SNAP23: variants seen among roughly 807,000 people sequenced by gnomAD.
SNAP23 encodes synaptosomal-associated protein 23.
In SNAP23, 11 loss-of-function variants were observed where a neutral mutation model predicts 29.0. The ratio of observed to expected loss-of-function variants is 0.38; its 90% CI spans 0.24 to 0.63. The LOEUF is 0.63. Ranked by LOEUF, SNAP23 falls within the 20% of genes least tolerant of loss-of-function variation. The probability of loss-of-function intolerance (pLI) is 0.58; values close to 1 mark genes in which losing one functional copy is unlikely to be tolerated. For missense variants in SNAP23, 220 were observed against 253.9 expected, an observed-to-expected ratio of 0.87 and a Z score of 0.91; for synonymous variants, 60 against 82.9, an observed-to-expected ratio of 0.72 and a Z score of 1.50.
chr15:42,492,193 G>C (rs1261292098), upstream of SNAP23, among the ~76,000 whole-genome samples: 17 of 146,730 alleles, frequency 1.2e-4, no homozygotes, highest in East Asian at 6.4e-4. Flanking sequence ...TTACAGGTGT[G>C]AGCCACCGCG....
At chr15:42,520,045 C>CT (rs201577060) in intron 5 of SNAP23, among the ~76,000 whole-genome samples, 6,353 of 92,642 alleles carry the variant, frequency 0.069, 496 homozygotes, top group African/African-American at 0.15. Context: ...AACCCCCTTG[C>CT]TTTTTTTTTT....
chr15:42,494,460 T>C (rs538252309), upstream of SNAP23, among the ~76,000 whole-genome samples: 37 of 150,352 alleles, frequency 2.5e-4, no homozygotes, highest in African/African-American at 7.8e-4. Flanking sequence ...ATGATAGTAA[T>C]GTAGCTGGGA....
At chr15:42,498,081 C>T (rs2057238664) in intron 1 of SNAP23, among the ~76,000 whole-genome samples, 3 of 152,202 alleles carry the variant, frequency 2.0e-5, no homozygotes, top group African/African-American at 7.2e-5. Context: ...AGAGGCTGCT[C>T]TGCTGGGCTG....
chr15:42,501,641 G>C (rs952768613), intron 1 of SNAP23, among the ~76,000 whole-genome samples: 1 of 152,100 alleles, frequency 6.6e-6, no homozygotes, highest in Non-Finnish European at 1.5e-5. Flanking sequence ...CAAACTCCTG[G>C]CTTTAAGCAA....
Position 42,528,997 on chromosome 15 carries a change from GA to G in SNAP23, c.425+584del, listed in dbSNP as rs550707807. The stretch of plus-strand genomic sequence containing the variant: ...TAGACATATTTTACTTTTATATATA[GA>G]AAAAAATAGGTTTTAAAATGTGTCA... On this transcript the variant is annotated intron_variant, in intron 6 of 7. Transcript: ENST00000249647. Among the ~76,000 whole-genome samples, 328 of 152,196 alleles carry G rather than the reference GA, an allele frequency of 2.2e-3. 2 individuals carry two copies. The highest frequency in any genetic ancestry group is 4.1e-3 in the Non-Finnish European group (281 of 67,998).
chr15:42,513,096 C>T (rs567158631), intron 3 of SNAP23, 100 bp downstream of exon 3: 1 of 911,940 alleles, frequency 1.1e-6, no homozygotes, highest in South Asian at 1.4e-5. Context: ...TATCAATATG[C>T]TTTATTATTT....
chr15:42,527,364 A>C (rs1418106713), intron 5 of SNAP23, among the ~76,000 whole-genome samples: 1 of 152,000 alleles, frequency 6.6e-6, no homozygotes, highest in African/African-American at 2.4e-5. Flanking sequence ...ACGCTGGTTC[A>C]AATTCAGTCT....
At chr15:42,517,183 G>A (rs945806280) in intron 5 of SNAP23, among the ~76,000 whole-genome samples, 1 of 152,212 alleles carries the variant, frequency 6.6e-6, no homozygotes, top group Non-Finnish European at 1.5e-5. Context: ...GCCTCCCAAA[G>A]TGCGGGGATT....
chr15:42,530,035 A>C (rs1345565470), intron 7 of SNAP23, among the ~76,000 whole-genome samples: 2 of 152,228 alleles, frequency 1.3e-5, no homozygotes, highest in Admixed American at 1.3e-4. Flanking sequence ...TTTGGAATAT[A>C]GTAGTTTTAC....
intron 5 of SNAP23, chr15:42,521,704 T>A: frequency 2.3e-6 from 2 of 881,016 alleles, no homozygotes; most frequent in Non-Finnish European, 3.6e-6. Flanking sequence ...ACCTGCTATC[T>A]AAAGGTGATG....
intron 5 of SNAP23, among the ~76,000 whole-genome samples, chr15:42,520,631 A>G (rs1458037373): frequency 6.6e-6 from 1 of 152,010 alleles, no homozygotes; most frequent in Non-Finnish European, 1.5e-5. Flanking sequence ...GGTAGCTGGG[A>G]CTACAGGCGC....
At chr15:42,507,869 G>A (rs1187708786) in intron 1 of SNAP23, among the ~76,000 whole-genome samples, 1 of 150,930 alleles carries the variant, frequency 6.6e-6, no homozygotes, top group Admixed American at 6.6e-5. Flanking sequence ...CTTGAACTGC[G>A]TGGGTCCACT....
intron 5 of SNAP23, among the ~76,000 whole-genome samples, chr15:42,520,144 A>G (rs2141539977): frequency 7.2e-6 from 1 of 138,852 alleles, no homozygotes; most frequent in South Asian, 2.3e-4. Flanking sequence ...CCTGCCTCCC[A>G]GGTTCAAGTG....
chr15:42,526,780 A>ATT (rs200251102), intron 5 of SNAP23, among the ~76,000 whole-genome samples: 1 of 149,718 alleles, frequency 6.7e-6, no homozygotes, highest in East Asian at 1.9e-4. Flanking sequence ...CGTAACAGCC[A>ATT]TTTTTTTTTC....
intron 6 of SNAP23, 60 bp from the exon 7 acceptor site, chr15:42,529,615 A>G: frequency 6.4e-7 from 1 of 1,569,944 alleles, no homozygotes; most frequent in South Asian, 1.2e-5. Flanking sequence ...GTGAAAAGTA[A>G]ATCCAGACTT....
intron 1 of SNAP23, among the ~76,000 whole-genome samples, chr15:42,497,844 G>A (rs978056530): frequency 1.1e-4 from 17 of 152,190 alleles, no homozygotes; most frequent in African/African-American, 3.9e-4. Context: ...TGCTATGGGG[G>A]AATAGGCATT....
chr15:42,513,235 C>T (rs1302598462), intron 3 of SNAP23, 164 bp from the exon 4 acceptor site: 1 of 760,030 alleles, frequency 1.3e-6, no homozygotes, highest in African/African-American at 1.7e-5. Flanking sequence ...ATTTTGGGGG[C>T]TGCTATGTTA....
At chr15:42,506,192 A>G (rs1486567881) in intron 1 of SNAP23, among the ~76,000 whole-genome samples, 2 of 150,158 alleles carry the variant, frequency 1.3e-5, no homozygotes, top group African/African-American at 2.5e-5. Context: ...TGATCCGCCA[A>G]CCTCGGCCTC....
chr15:42,493,039 A>G (rs113583672), upstream of SNAP23: 9,248 of 152,254 alleles, frequency 0.061, 403 homozygotes, highest in South Asian at 0.15. Context: ...TATCCTGTGC[A>G]TTATAAGATG....
Sources: gnomAD v4.1 joint callset for allele counts (sites outside exome capture counted in the v4.1 genomes callset) on GRCh38, gnomAD v4.1.1 for gene constraint, MANE v1.5 for transcripts, NCBI Gene and HGNC (gene_info 2026-07-23, HGNC 2026-07-21) for gene names.